Variants in WWC1 observed in about 807,000 individuals in gnomAD.
WWC1 encodes the protein WW and C2 domain containing 1.
Under a neutral mutation model 138.4 loss-of-function variants are expected in WWC1, and 55 were observed. That is an observed-to-expected ratio of 0.40 (90% CI 0.32 to 0.50). The LOEUF is 0.50. WWC1 is among the 20% of genes least tolerant of loss of function. WWC1 has a pLI of 0.72. For missense variants in WWC1, 1,226 were observed against 1,420.4 expected (o/e 0.86, Z 2.20); for synonymous variants, 524 against 564.9 (o/e 0.93, Z 1.03).
intron 16 of WWC1, 55 bp from the exon 17 acceptor site, chr5:168,444,439 A>C: frequency 6.6e-7 from 1 of 1,504,214 alleles, no homozygotes; most frequent in South Asian, 1.2e-5. Flanking sequence ...GATTCCTGGC[A>C]GGTAGGGTGG....
At chr5:168,393,772 A>G (rs1479677610) in intron 3 of WWC1, among the ~76,000 whole-genome samples, 2 of 152,218 alleles carry the variant, frequency 1.3e-5, no homozygotes, top group African/African-American at 4.8e-5. Flanking sequence ...GAAGCAGGGC[A>G]GAAGCCCTGG....
At chr5:168,411,913 C>T in intron 8 of WWC1, 1 of 949,276 alleles carries the variant, frequency 1.1e-6, no homozygotes, top group Non-Finnish European at 1.3e-6. Flanking sequence ...GGAGTGATTT[C>T]CCAAAGACAA....
At chr5:168,442,309 AG>A (rs1407561461) in intron 16 of WWC1, among the ~76,000 whole-genome samples, 1 of 152,086 alleles carries the variant, frequency 6.6e-6, no homozygotes, top group Non-Finnish European at 1.5e-5. Context: ...GAGCCTTAAA[AG>A]GTTGTTATGA....
At chr5:168,391,777 A>ATG (rs1778527754) in intron 3 of WWC1, among the ~76,000 whole-genome samples, 2 of 142,566 alleles carry the variant, frequency 1.4e-5, no homozygotes, top group South Asian at 2.2e-4. Flanking sequence ...ATATATATAT[A>ATG]TATATATATA....
intron 1 of WWC1, among the ~76,000 whole-genome samples, chr5:168,358,169 C>G (rs1775604074): frequency 6.6e-6 from 1 of 152,228 alleles, no homozygotes; most frequent in African/African-American, 2.4e-5. Context: ...CCTGGGGAAA[C>G]AGTGTCATGT....
intron 12 of WWC1, among the ~76,000 whole-genome samples, chr5:168,428,356 A>T (rs922521339): frequency 1.3e-5 from 2 of 152,126 alleles, no homozygotes. Context: ...GGGGAGTGCT[A>T]GTTCTGTGGT....
intron 15 of WWC1, among the ~76,000 whole-genome samples, chr5:168,436,235 G>A (rs138777375): frequency 2.3e-3 from 343 of 152,196 alleles, no homozygotes; most frequent in African/African-American, 8.0e-3. Flanking sequence ...TCTTCCTTCT[G>A]GACCTGCCAG....
chr5:168,347,597 T>G (rs574681448), intron 1 of WWC1, among the ~76,000 whole-genome samples: 2 of 152,324 alleles, frequency 1.3e-5, no homozygotes, highest in Non-Finnish European at 2.9e-5. Flanking sequence ...GCTCGTGGCC[T>G]CAACTGGGCA....
At chr5:168,430,704 G>T (rs981764449) in intron 14 of WWC1, among the ~76,000 whole-genome samples, 2 of 152,242 alleles carry the variant, frequency 1.3e-5, no homozygotes, top group African/African-American at 2.4e-5. Flanking sequence ...CTGGTAGGAT[G>T]CAAACACCTG....
chr5:168,306,942 T>C (rs1770614555), intron 1 of WWC1, among the ~76,000 whole-genome samples: 1 of 152,238 alleles, frequency 6.6e-6, no homozygotes, highest in African/African-American at 2.4e-5. Context: ...TAGGCCTTCC[T>C]TTCATTTGCT....
chr5:168,357,490 G>A (rs1775537814), intron 1 of WWC1, among the ~76,000 whole-genome samples: 1 of 106,292 alleles, frequency 9.4e-6, no homozygotes, highest in Admixed American at 1.1e-4. Flanking sequence ...GTGTGTGTGT[G>A]TGTGCGCGCG....
At chr5:168,440,812 C>T (rs977550785) in intron 15 of WWC1, among the ~76,000 whole-genome samples, 3 of 152,130 alleles carry the variant, frequency 2.0e-5, no homozygotes, top group Admixed American at 6.5e-5. Context: ...CCACCGCGCC[C>T]GGCCTGAAAG....
At chr5:168,465,268 G>A (rs1006276009) in intron 21 of WWC1, among the ~76,000 whole-genome samples, 12 of 152,138 alleles carry the variant, frequency 7.9e-5, no homozygotes, top group Non-Finnish European at 1.2e-4. Flanking sequence ...CATGAAATAC[G>A]TAGGGTACCC....
intron 16 of WWC1, among the ~76,000 whole-genome samples, chr5:168,443,798 T>A (rs2152873775): frequency 6.6e-6 from 1 of 152,350 alleles, no homozygotes; most frequent in Admixed American, 6.5e-5. Flanking sequence ...TAACCACAAA[T>A]TAACCATGTG....
rs1757432178 is a variant in WWC1 at position 168,467,894 on chromosome 5, G to T, written c.3205G>T (p.Ala1069Ser). Residue 1069 changes from alanine to serine, a missense_variant, in exon 22 of 23, where the codon GCA (alanine) becomes TCA (serine). Physicochemically the swap from Ala to Ser is moderately conservative, Grantham distance 99. Transcript: ENST00000265293. ...GCTTCAGACAGACAAGATGATGAGG[G>T]CAGCTGCCAAGGATGTGCACAGGCT... Reference protein sequence around the residue: ...GELQTDKMMRAAAKDVHRLRG... With the variant: ...GELQTDKMMRSAAKDVHRLRG... The T allele has an allele frequency of 3.7e-6, 6 of 1,614,214 alleles. No homozygotes were observed. Among genetic ancestry groups the T allele is most frequent in the Non-Finnish European group, 5.1e-6 (6 of 1,180,032 alleles).
intron 20 of WWC1, among the ~76,000 whole-genome samples, chr5:168,462,426 G>C (rs1181333036): frequency 6.6e-6 from 1 of 152,166 alleles, no homozygotes; most frequent in Non-Finnish European, 1.5e-5. Context: ...GTTACCTGGG[G>C]AGCTTGGTGA....
At chr5:168,414,996 T>TCA in intron 9 of WWC1, 1 of 176,046 alleles carries the variant, frequency 5.7e-6, no homozygotes, top group South Asian at 1.4e-4. Flanking sequence ...GGTCCTCTGA[T>TCA]GTTTTCTCCC....
chr5:168,334,351 A>C (rs945056709), intron 1 of WWC1, among the ~76,000 whole-genome samples: 2 of 151,982 alleles, frequency 1.3e-5, no homozygotes, highest in Admixed American at 6.6e-5. Flanking sequence ...CCCCACCCCC[A>C]CTGCACTCTG....
chr5:168,432,936 A>G (rs1002682669), intron 15 of WWC1, among the ~76,000 whole-genome samples: 1 of 152,206 alleles, frequency 6.6e-6, no homozygotes, highest in Non-Finnish European at 1.5e-5. Context: ...CTCCTGCTGT[A>G]AATCACAGAC....
Sources: gnomAD v4.1 joint callset for allele counts (sites outside exome capture counted in the v4.1 genomes callset) on GRCh38, gnomAD v4.1.1 for gene constraint, MANE v1.5 for transcripts, NCBI Gene and HGNC (gene_info 2026-07-23, HGNC 2026-07-21) for gene names.